PADI2: variants seen among roughly 807,000 people sequenced by gnomAD.
PADI2 encodes the protein protein-arginine deiminase type-2.
Under a neutral mutation model 81.1 loss-of-function variants are expected in PADI2, and 70 were observed. That is an observed-to-expected ratio of 0.86 (90% CI 0.71 to 1.05). The LOEUF (loss-of-function observed/expected upper bound fraction) is 1.05, where lower values mean the gene tolerates loss of function less well. Ranked by LOEUF, PADI2 falls within the 50% of genes least tolerant of loss-of-function variation. The probability of loss-of-function intolerance (pLI) is 0.00; values close to 1 mark genes in which losing one functional copy is unlikely to be tolerated. For missense variants in PADI2, 853 were observed against 889.9 expected, an observed-to-expected ratio of 0.96 and a Z score of 0.53; for synonymous variants, 338 against 358.0, an observed-to-expected ratio of 0.94 and a Z score of 0.63.
intron 7 of PADI2, among the ~76,000 whole-genome samples, chr1:17,085,462 GC>G: frequency 6.6e-6 from 1 of 152,272 alleles, no homozygotes; most frequent in African/African-American, 2.4e-5. Flanking sequence ...GCCATAAGAA[GC>G]CCCATCCCCG....
chr1:17,114,027 T>G (rs549556208), intron 1 of PADI2, among the ~76,000 whole-genome samples: 16 of 152,234 alleles, frequency 1.1e-4, no homozygotes, highest in Non-Finnish European at 2.4e-4. Flanking sequence ...ACCAGAGCCC[T>G]GGAGCAATTC....
intron 1 of PADI2, among the ~76,000 whole-genome samples, chr1:17,118,644 G>C (rs1931838169): frequency 2.0e-5 from 3 of 152,222 alleles, no homozygotes; most frequent in African/African-American, 7.2e-5. Context: ...GTCGTCAGCT[G>C]GGTAGAATAT....
intron 3 of PADI2, among the ~76,000 whole-genome samples, chr1:17,097,934 C>T (rs1159203193): frequency 1.3e-5 from 2 of 152,160 alleles, no homozygotes; most frequent in Non-Finnish European, 2.9e-5. Context: ...GCCACTCTGT[C>T]CTTTTCAAGG....
rs553818181 is a variant in PADI2 at position 17,079,253 on chromosome 1, G to T, written c.1310+11C>A. 8.7e-6 allele frequency: 14 copies of T among 1,610,300 alleles called. No homozygotes were observed. The highest frequency in any genetic ancestry group is 1.2e-5 in the Non-Finnish European group (14 of 1,177,406). On this transcript the variant is annotated intron_variant, in intron 11 of 15. Coordinates refer to ENST00000375486, the MANE Select transcript of PADI2 (RefSeq NM_007365.3). ...TCCCACAGCCCCTAGCCCCAGCCTG[G>T]CTTCTCTTACAGAGGAAAGCTGCTC...
rs1930794215 is a variant in PADI2 at position 17,093,692 on chromosome 1, G to A, written c.412-8C>T. On this transcript the variant is annotated splice_polypyrimidine_tract_variant and splice_region_variant and intron_variant, in intron 4 of 15. Coordinates refer to ENST00000375486, the MANE Select transcript of PADI2 (RefSeq NM_007365.3). The stretch of plus-strand genomic sequence containing the variant: ...GCCCCAGGTCCAGGATGCCTACAGT[G>A]GCAGGAAGAAAGGTCAGTGCCCTCT... 1 of 1,544,826 alleles carries A rather than the reference G, an allele frequency of 6.5e-7. No homozygotes were observed. Among genetic ancestry groups the A allele is most frequent in the South Asian group, 1.1e-5 (1 of 89,582 alleles).
intron 11 of PADI2, among the ~76,000 whole-genome samples, chr1:17,077,022 CGGT>C (rs1570979255): frequency 6.6e-6 from 1 of 152,124 alleles, no homozygotes; most frequent in African/African-American, 2.4e-5. Flanking sequence ...TCCCTTCCCC[CGGT>C]TCTGTCTGCT....
intron 9 of PADI2, 169 bp downstream of exon 9, chr1:17,083,557 A>T (rs777064361): frequency 2.1e-4 from 123 of 597,034 alleles, no homozygotes; most frequent in Admixed American, 3.2e-4. Context: ...AAGAAGCAGC[A>T]CTGTAGTGCA....
chr1:17,079,223 C>T (rs1249353171), intron 11 of PADI2, 41 bp downstream of exon 11: 3 of 1,580,086 alleles, frequency 1.9e-6, no homozygotes, highest in African/African-American at 2.7e-5. Context: ...CAGTGACTTC[C>T]CCACTCCCAC....
At chr1:17,081,225 C>T (rs574670570) in intron 10 of PADI2, among the ~76,000 whole-genome samples, 5 of 152,204 alleles carry the variant, frequency 3.3e-5, no homozygotes, top group Admixed American at 1.3e-4. Context: ...GGACAGGGCC[C>T]GGGGAATGAT....
chr1:17,104,827 T>A (rs1208494444), intron 2 of PADI2, 51 bp downstream of exon 2: 1 of 1,463,772 alleles, frequency 6.8e-7, no homozygotes, highest in East Asian at 2.4e-5. Flanking sequence ...ACCCTGCCTC[T>A]ATCCTGGCAT....
chr1:17,087,060 AAGGAGG>A (rs1163072844), intron 6 of PADI2, among the ~76,000 whole-genome samples: 1 of 152,200 alleles, frequency 6.6e-6, no homozygotes, highest in Non-Finnish European at 1.5e-5. Flanking sequence ...CAATCTCAGA[AAGGAGG>A]AGTGGCTTGT....
intron 1 of PADI2, among the ~76,000 whole-genome samples, chr1:17,114,047 C>T (rs1428228720): frequency 6.6e-6 from 1 of 152,278 alleles, no homozygotes; most frequent in African/African-American, 2.4e-5. Flanking sequence ...CCTGGCAAGG[C>T]ATCCCGTTTG....
Position 17,083,754 on chromosome 1 carries a change from T to C in PADI2, c.1022A>G (p.Tyr341Cys). ...GATCCAGCGATCGCCTCGGTTTAGG[T>C]ACTGGAAGCAGACCTTCAGCTCACA... ...TNCELKVCFQ[Y>C]LNRGDRWIQD... Residue 341 changes from tyrosine (Y) to cysteine (C), a missense_variant, in exon 9 of 16, where the codon TAC (tyrosine) becomes TGC (cysteine). Transcript: ENST00000375486. 6.2e-7 allele frequency: 1 copy of C among 1,613,242 alleles called. No individual in the cohort carries two copies. Among genetic ancestry groups the C allele is most frequent in the Non-Finnish European group, 8.5e-7 (1 of 1,179,172 alleles).
chr1:17,084,845 C>T, intron 7 of PADI2, 143 bp from the exon 8 acceptor site: 1 of 584,376 alleles, frequency 1.7e-6, no homozygotes, highest in Non-Finnish European at 3.1e-6. Context: ...TAAGTACTTT[C>T]ACATGTGCCA....
chr1:17,104,800 T>C (rs1454342300), intron 2 of PADI2, 78 bp downstream of exon 2: 2 of 1,258,842 alleles, frequency 1.6e-6, no homozygotes, highest in Non-Finnish European at 2.1e-6. Context: ...GCAGTTTCTA[T>C]GGGACAGGGC....
At chr1:17,118,946 G>A (rs961563927) in intron 1 of PADI2, among the ~76,000 whole-genome samples, 22 of 152,264 alleles carry the variant, frequency 1.4e-4, no homozygotes, top group African/African-American at 5.1e-4. Context: ...AAGGGGAGAG[G>A]ACGGCAGGGA....
At chr1:17,087,774 G>C (rs1930525164) in intron 6 of PADI2, among the ~76,000 whole-genome samples, 1 of 152,212 alleles carries the variant, frequency 6.6e-6, no homozygotes, top group Non-Finnish European at 1.5e-5. Flanking sequence ...CCAAAGTGCT[G>C]GGATTACAGG....
intron 7 of PADI2, among the ~76,000 whole-genome samples, chr1:17,085,054 G>A (rs1441932838): frequency 1.3e-5 from 2 of 152,206 alleles, no homozygotes; most frequent in Admixed American, 6.5e-5. Flanking sequence ...CTTAACCACT[G>A]TCCTATCTTG....
chr1:17,082,534 C>G lies in PADI2; in HGVS notation c.1158+11G>C. 6.5e-7 allele frequency: 1 copy of G among 1,541,282 alleles called. No individual in the cohort carries two copies. Among genetic ancestry groups the G allele is most frequent in the Non-Finnish European group, 9.0e-7 (1 of 1,113,780 alleles). ...TCATGCTCCACCCGCAAGTGGCCCT[C>G]AGCATCTTACCAGGAGCTCCTTCAC... is the stretch of plus-strand genomic sequence containing the variant. On this transcript the variant is annotated intron_variant, in intron 10 of 15. Coordinates refer to ENST00000375486, the MANE Select transcript of PADI2 (RefSeq NM_007365.3).
Sources: gnomAD v4.1 joint callset for allele counts (sites outside exome capture counted in the v4.1 genomes callset) on GRCh38, gnomAD v4.1.1 for gene constraint, MANE v1.5 for transcripts, NCBI Gene and HGNC (gene_info 2026-07-23, HGNC 2026-07-21) for gene names.